The following TMBIM6 variants were observed in gnomAD, a reference collection of about 807,000 sequenced individuals.
The protein encoded by TMBIM6 is transmembrane BAX inhibitor motif containing 6, also known as bax inhibitor 1.
A neutral mutation model predicts 31.4 loss-of-function variants in TMBIM6; 13 were observed. The ratio of observed to expected loss-of-function variants is 0.41; its 90% CI spans 0.27 to 0.66. The LOEUF (loss-of-function observed/expected upper bound fraction) is 0.66. Ranked by LOEUF, TMBIM6 falls within the 30% of genes least tolerant of loss-of-function variation. TMBIM6 has a pLI of 0.28. For missense variants in TMBIM6, 275 were observed against 289.5 expected, an observed-to-expected ratio of 0.95 and a Z score of 0.36; for synonymous variants, 85 against 101.7, an observed-to-expected ratio of 0.84 and a Z score of 0.99.
intron 1 of TMBIM6, chr12:49,742,186 G>C (rs762943708): frequency 6.8e-6 from 11 of 1,612,636 alleles, no homozygotes; most frequent in Non-Finnish European, 9.3e-6. Context: ...CTTAGCCAAC[G>C]GCAGAGGCGG....
In TMBIM6 at chr12:49,763,128, C is replaced by G. The variant is rs1945751371; in HGVS notation, c.*232C>G. On this transcript the variant is annotated 3_prime_UTR_variant, in exon 10 of 10. Transcript: ENST00000267115. ...CCCCTCACTCCCTTTTTTGTCAACC[C>G]CATCTGTAGCCTCTTCCTCTACTCA... 1 of 424,486 alleles carries G rather than the reference C, an allele frequency of 2.4e-6. No individual in the cohort carries two copies. The highest frequency in any genetic ancestry group is 2.0e-5 in the African/African-American group (1 of 50,698). 26.3% of individuals were successfully genotyped at this position (424,486 alleles called of 1,614,324 possible). A position where few individuals can be genotyped will look rare whatever the true frequency, so the allele number is the denominator to read the frequency against.
At chr12:49,758,182 CAAGAATTGATCGT>C in intron 4 of TMBIM6, 32 bp from the exon 5 acceptor site, 1 of 1,611,100 alleles carries the variant, frequency 6.2e-7, no homozygotes, top group East Asian at 2.2e-5. Context: ...GGATCCTATT[CAAGAATTGATCGT>C]AATACTGTGT....
At chr12:49,750,220 T>C (rs1169078333) in intron 1 of TMBIM6, among the ~76,000 whole-genome samples, 1 of 152,182 alleles carries the variant, frequency 6.6e-6, no homozygotes, top group East Asian at 1.9e-4. Context: ...CATTCTCCCC[T>C]CGAACAGATT....
intron 4 of TMBIM6, among the ~76,000 whole-genome samples, chr12:49,757,176 T>G (rs1419763316): frequency 6.6e-6 from 1 of 152,254 alleles, no homozygotes; most frequent in Non-Finnish European, 1.5e-5. Context: ...CTTCCTGGCC[T>G]GCTTTCTAAT....
intron 1 of TMBIM6, among the ~76,000 whole-genome samples, chr12:49,748,195 C>T (rs1293602876): frequency 6.6e-6 from 1 of 152,108 alleles, no homozygotes; most frequent in African/African-American, 2.4e-5. Context: ...AGCCACCGCA[C>T]CCAGCCTGTT....
rs1218128902 is a variant in TMBIM6 at position 49,743,633 on chromosome 12, T to C, written c.-31+2022T>C. ...CTGATTATAGATATAGTTCGCGCTCTTTATACAAATGCTGAAAATGCAGAA... is the reference window on the plus strand; with the variant it reads ...CTGATTATAGATATAGTTCGCGCTCCTTATACAAATGCTGAAAATGCAGAA... On this transcript the variant is annotated intron_variant, in intron 1 of 9. Coordinates refer to ENST00000267115, the MANE Select transcript of TMBIM6 (RefSeq NM_003217.3). 3 of 152,374 alleles carry C rather than the reference T, an allele frequency of 2.0e-5. No individual in the cohort carries two copies. In the East Asian group the frequency reaches 5.8e-4, roughly 29 times the overall value. 9.4% of individuals were successfully genotyped at this position (152,374 alleles called of 1,614,324 possible).
At chr12:49,749,806 A>T (rs1010538148) in intron 1 of TMBIM6, 5 of 152,182 alleles carry the variant, frequency 3.3e-5, no homozygotes, top group African/African-American at 1.2e-4. Context: ...ATCGCAAATC[A>T]AGGAGTGTAC....
At chr12:49,742,168 C>G in intron 1 of TMBIM6, 1 of 1,613,286 alleles carries the variant, frequency 6.2e-7, no homozygotes, top group Non-Finnish European at 8.5e-7. Flanking sequence ...CGCGAGGCTC[C>G]TCAGTTACTT....
At chr12:49,759,003 G>C in intron 7 of TMBIM6, 1 of 627,268 alleles carries the variant, frequency 1.6e-6, no homozygotes, top group Non-Finnish European at 2.8e-6. Flanking sequence ...GGCAGTGGCT[G>C]ATTGTTAAAA....
chr12:49,759,377 A>T, intron 8 of TMBIM6, 56 bp downstream of exon 8: 1 of 1,469,262 alleles, frequency 6.8e-7, no homozygotes, highest in Non-Finnish European at 9.5e-7. Flanking sequence ...ACCGTTCAGC[A>T]GCTGAACTTA....
Position 49,763,125 on chromosome 12 carries a change from A to C in TMBIM6, c.*229A>C, listed in dbSNP as rs74087196. On this transcript the variant is annotated 3_prime_UTR_variant, in exon 10 of 10. Transcript: ENST00000267115. ...GTTCCCCTCACTCCCTTTTTTGTCA[A>C]CCCCATCTGTAGCCTCTTCCTCTAC... The C allele has an allele frequency of 2.1e-5, 9 of 426,420 alleles. No homozygotes were observed. The highest frequency in any genetic ancestry group is 4.6e-4 in the Middle Eastern group (1 of 2,160). The allele number at this position is 426,420 out of a possible 1,614,324, so 26.4% of individuals were successfully genotyped here.
At chr12:49,741,808 A>G in intron 1 of TMBIM6, 197 bp downstream of exon 1, 1 of 342,086 alleles carries the variant, frequency 2.9e-6, no homozygotes, top group South Asian at 3.0e-5. Flanking sequence ...GCGCGTGCGC[A>G]ACAGTGCTGA....
rs372726301 is a variant in TMBIM6 at position 49,756,123 on chromosome 12, G to A, written c.286+368G>A. ...GCTAGGATTACAGGCATGAGCCACCGTGCCTGGCCCTTTTTTTCCTTTTTT... is the reference window on the plus strand; with the variant it reads ...GCTAGGATTACAGGCATGAGCCACCATGCCTGGCCCTTTTTTTCCTTTTTT... On this transcript the variant is annotated intron_variant, in intron 4 of 9. Transcript: ENST00000267115. Among the ~76,000 whole-genome samples, 6 of 150,650 alleles carry A rather than the reference G, an allele frequency of 4.0e-5. No individual in the cohort carries two copies. The South Asian group carries it at 1.0e-3, about 26-fold the overall frequency.
Position 49,764,719 on chromosome 12 carries a change from A to G in TMBIM6, c.*1823A>G, listed in dbSNP as rs555664960. 4.7e-3 allele frequency: 662 copies of G among 141,294 alleles called. 2 individuals carry two copies. The highest frequency in any genetic ancestry group is 6.7e-3 in the Non-Finnish European group (447 of 67,136). The allele number at this position is 141,294 out of a possible 1,614,324, so 8.8% of individuals were successfully genotyped here. ...AAGAATGACAAGATATTAAAAAAAAAAAAGAAAGAAAAAAAAAAAAACACC... is the reference window on the plus strand; with the variant it reads ...AAGAATGACAAGATATTAAAAAAAAGAAAGAAAGAAAAAAAAAAAAACACC... On this transcript the variant is annotated 3_prime_UTR_variant, in exon 10 of 10. Coordinates refer to ENST00000267115, the MANE Select transcript of TMBIM6 (RefSeq NM_003217.3).
At position 49,758,272 on chromosome 12, in the gene TMBIM6, C is replaced by T. The variant is rs61941194; in HGVS notation, c.332C>T (p.Pro111Leu). 6.2e-7 allele frequency: 1 copy of T among 1,614,218 alleles called. No homozygotes were observed. The highest frequency in any genetic ancestry group is 8.5e-7 in the Non-Finnish European group (1 of 1,180,032). ...CTGGAGTTTTGTATTGCTGTCAACCCCAGGTAACTCTTTTGGTAGTGTCTT... is the reference window on the plus strand; with the variant it reads ...CTGGAGTTTTGTATTGCTGTCAACCTCAGGTAACTCTTTTGGTAGTGTCTT... ...PALEFCIAVN[P>L]SILPTAFMGT... Residue 111 changes from proline (P) to leucine (L), a missense_variant, in exon 5 of 10, where the codon CCC (proline) becomes CTC (leucine). By Grantham distance (98) the Pro-to-Leu change is moderately conservative (BLOSUM62 -3). Coordinates refer to ENST00000267115, the MANE Select transcript of TMBIM6 (RefSeq NM_003217.3).
At chr12:49,762,594 T>A (rs995973346) in intron 9 of TMBIM6, among the ~76,000 whole-genome samples, 1 of 152,140 alleles carries the variant, frequency 6.6e-6, no homozygotes, top group Non-Finnish European at 1.5e-5. Context: ...CTGTAGTGGC[T>A]GTGAATAGCC....
In TMBIM6 at chr12:49,747,589, G is replaced by A. The variant is rs1945418856; in HGVS notation, c.-30-4875G>A. On this transcript the variant is annotated intron_variant, in intron 1 of 9. Coordinates refer to ENST00000267115, the MANE Select transcript of TMBIM6 (RefSeq NM_003217.3). The stretch of plus-strand genomic sequence containing the variant: ...TTCCCAAAGTGCTGGGCTCACAGGT[G>A]TGAGACATTGTGCATGGCCTTTTTC... Among the ~76,000 whole-genome samples the A allele has an allele frequency of 2.0e-5, 3 of 152,234 alleles. No individual in the cohort carries two copies. The South Asian group carries it at 6.2e-4, about 32-fold the overall frequency.
Position 49,758,569 on chromosome 12 carries a change from G to A in TMBIM6, c.433+89G>A, listed in dbSNP as rs143513179. The A allele has an allele frequency of 2.1e-3, 3,180 of 1,545,990 alleles. 32 individuals carry two copies. The highest frequency in any genetic ancestry group is 0.012 in the South Asian group (1,071 of 89,618). On this transcript the variant is annotated intron_variant, in intron 6 of 9. Transcript: ENST00000267115. ...CCTTCCTTACCCCTAACTCCTTTGC[G>A]ACTATTGAGTTGAGATTAACCTTCA... is the stretch of plus-strand genomic sequence containing the variant.
chr12:49,747,924 C>T (rs896756236), intron 1 of TMBIM6, among the ~76,000 whole-genome samples: 1 of 151,998 alleles, frequency 6.6e-6, no homozygotes, highest in African/African-American at 2.4e-5. Flanking sequence ...ATTTTTTTTA[C>T]ACGTAGTCTC....
Sources: allele counts gnomAD v4.1 joint callset (sites outside exome capture counted in the v4.1 genomes callset), GRCh38; gene constraint gnomAD v4.1.1; transcripts MANE v1.5; gene names NCBI Gene and HGNC (gene_info 2026-07-23, HGNC 2026-07-21).